The following RHBDF2 variants were observed in gnomAD, a reference collection of about 807,000 sequenced individuals.
RHBDF2 encodes rhomboid 5 homolog 2.
In RHBDF2, 38 loss-of-function variants were observed where a neutral mutation model predicts 95.2. The observed-to-expected ratio is 0.40, with a 90% CI of 0.31 to 0.52. The LOEUF (loss-of-function observed/expected upper bound fraction) is 0.52, where lower values mean the gene tolerates loss of function less well. Ranked by LOEUF, RHBDF2 falls within the 20% of genes least tolerant of loss-of-function variation. The pLI, the probability that RHBDF2 is intolerant of heterozygous loss-of-function variation, is 0.56. For synonymous variants in RHBDF2, 442 were observed against 462.0 expected (o/e 0.96, Z 0.55); for missense variants, 863 against 1,137.7 (o/e 0.76, Z 3.47).
intron 2 of RHBDF2, 45 bp from the exon 3 acceptor site, chr17:76,481,590 C>T (rs1009654384): frequency 5.5e-5 from 85 of 1,538,914 alleles, no homozygotes; most frequent in African/African-American, 5.0e-4. Flanking sequence ...TGCGGGGTGG[C>T]GCAGTGTCAG....
Position 76,474,436 on chromosome 17 carries a change from G to A in RHBDF2, c.1401C>T (p.Asp467=). 6.2e-7 allele frequency: 1 copy of A among 1,614,064 alleles called. No homozygotes were observed. Among genetic ancestry groups the A allele is most frequent in the Non-Finnish European group, 8.5e-7 (1 of 1,179,994 alleles). The change falls in exon 12 of 19, where the codon GAC becomes GAT. Residue 467 remains aspartate (D), a synonymous_variant. Transcript: ENST00000675367. The part of the protein sequence containing the change: ...LVLRERDLER[D]SGCCVQNDHS... ...GGTCATTCTGGACACAGCAGCCTGA[G>A]TCCCGCTCCAGGTCTCGCTCGCGCA...
chr17:76,494,925 G>A (rs939662758), intron 1 of RHBDF2, among the ~76,000 whole-genome samples: 12 of 152,308 alleles, frequency 7.9e-5, no homozygotes, highest in East Asian at 5.8e-4. Flanking sequence ...CACAGCAGCC[G>A]GGCCCCAGTT....
chr17:76,494,436 T>G (rs528918747), intron 1 of RHBDF2, among the ~76,000 whole-genome samples: 2 of 152,178 alleles, frequency 1.3e-5, no homozygotes, highest in Non-Finnish European at 2.9e-5. Flanking sequence ...TGCCCTCCCC[T>G]GGAAATTTCT....
intron 1 of RHBDF2, among the ~76,000 whole-genome samples, chr17:76,497,876 A>G (rs1278730045): frequency 1.3e-5 from 2 of 152,062 alleles, no homozygotes; most frequent in African/African-American, 4.8e-5. Context: ...GCTGGTCACA[A>G]GGTTCCCCTC....
At chr17:76,478,078 C>A (rs1429907355) in intron 6 of RHBDF2, among the ~76,000 whole-genome samples, 1 of 152,204 alleles carries the variant, frequency 6.6e-6, no homozygotes, top group Non-Finnish European at 1.5e-5. Flanking sequence ...GGTACCCTAA[C>A]ACTCAAAGCA....
intron 1 of RHBDF2, among the ~76,000 whole-genome samples, chr17:76,490,961 G>A (rs1474481132): frequency 1.3e-5 from 2 of 152,074 alleles, no homozygotes; most frequent in African/African-American, 2.4e-5. Context: ...TGCACCCAGT[G>A]AGCCCTCATC....
chr17:76,494,359 C>T (rs2074384217), intron 1 of RHBDF2, among the ~76,000 whole-genome samples: 1 of 152,180 alleles, frequency 6.6e-6, no homozygotes, highest in African/African-American at 2.4e-5. Context: ...CAGGGGTGGG[C>T]ACCAAAGGAG....
chr17:76,486,008 T>G (rs764047953), intron 2 of RHBDF2, among the ~76,000 whole-genome samples: 1 of 151,792 alleles, frequency 6.6e-6, no homozygotes, highest in South Asian at 2.1e-4. Flanking sequence ...AGGCTTTCTT[T>G]AGGGGGTGAT....
intron 7 of RHBDF2, 33 bp downstream of exon 7, chr17:76,477,624 C>T (rs557155838): frequency 1.9e-6 from 3 of 1,610,558 alleles, no homozygotes; most frequent in South Asian, 2.2e-5. Context: ...GGCCACCCCA[C>T]CCAACTCCTG....
At position 76,471,969 on chromosome 17, in the gene RHBDF2, G is replaced by C; in HGVS notation, c.2148C>G (p.Pro716=). Residue 716 remains proline (P), a synonymous_variant, in exon 19 of 19, where the codon CCC becomes CCG. Transcript: ENST00000675367. Reference sequence around the variant, plus strand: ...CCGAGAGGTTGAGGAAGGCCTTCCAGGGCCTCTCCAGCAGCGGCCAGCTCT... The same window carrying C: ...CCGAGAGGTTGAGGAAGGCCTTCCACGGCCTCTCCAGCAGCGGCCAGCTCT... ...LFQSWPLLER[P]WKAFLNLSAI... The C allele has an allele frequency of 6.4e-7, 1 of 1,573,462 alleles. No individual in the cohort carries two copies. Among genetic ancestry groups the C allele is most frequent in the Non-Finnish European group, 8.6e-7 (1 of 1,159,302 alleles).
chr17:76,484,094 TC>T (rs1166179843), intron 2 of RHBDF2, among the ~76,000 whole-genome samples: 1 of 152,038 alleles, frequency 6.6e-6, no homozygotes, highest in Non-Finnish European at 1.5e-5. Context: ...AAACCCCGTC[TC>T]TACTAAAAAT....
chr17:76,479,679 G>A (rs2144163968), intron 4 of RHBDF2, 54 bp downstream of exon 4: 1 of 1,411,394 alleles, frequency 7.1e-7, no homozygotes, highest in Non-Finnish European at 9.8e-7. Context: ...CAGGCCCCGA[G>A]AATCCACAGG....
intron 9 of RHBDF2, 156 bp downstream of exon 9, chr17:76,476,674 T>TG: frequency 8.7e-7 from 1 of 1,153,230 alleles, no homozygotes; most frequent in Non-Finnish European, 1.2e-6. Context: ...GCACAACCCT[T>TG]GGGACAGGGT....
Position 76,481,487 on chromosome 17 carries a change from G to A in RHBDF2, c.38C>T (p.Ser13Phe), listed in dbSNP as rs749648771. The A allele has an allele frequency of 1.9e-6, 3 of 1,610,154 alleles. No homozygotes were observed. Among genetic ancestry groups the A allele is most frequent in the Non-Finnish European group, 1.7e-6 (2 of 1,179,474 alleles). The change falls in exon 3 of 19, where the codon TCT becomes TTT. Residue 13 changes from serine (S) to phenylalanine (F), a missense_variant. Ser to Phe is a radical substitution (Grantham distance 155, BLOSUM62 -2). Around this residue, in one of 2 missense-constraint regions of RHBDF2, gnomAD observed 611 missense variants for 725.5 expected, o/e 0.84. Transcript: ENST00000675367. ...GCTCTGCAGGCGGCTGCTGGACACA[G>A]AGGACACGCTCCCGCCATTCTTGTC... Reference protein sequence around the residue: ...SADKNGGSVSSVSSSRLQSRK... With the variant: ...SADKNGGSVSFVSSSRLQSRK...
At chr17:76,480,051 G>GTGTGTATATATATATATATA (rs1363176782) in intron 3 of RHBDF2, 197 bp from the exon 4 acceptor site, 1 of 39,884 alleles carries the variant, frequency 2.5e-5, no homozygotes, top group Non-Finnish European at 5.0e-5. Flanking sequence ...GTTTGTATAT[G>GTGTGTATATATATATATATA]TATATATATA....
Position 76,477,213 on chromosome 17 carries a change from G to T in RHBDF2, c.887C>A (p.Ser296Tyr), listed in dbSNP as rs1478503384. The T allele has an allele frequency of 6.2e-7, 1 of 1,610,586 alleles. No homozygotes were observed. Among genetic ancestry groups the T allele is most frequent in the Non-Finnish European group, 8.5e-7 (1 of 1,179,006 alleles). The change falls in exon 8 of 19, where the codon TCC becomes TAC. Residue 296 changes from serine (S) to tyrosine (Y), a missense_variant. Ser to Tyr is a moderately radical substitution (Grantham distance 144). This residue lies in a region of RHBDF2 where 611 missense variants were observed against 725.5 expected (regional missense o/e 0.84). Coordinates refer to ENST00000675367, the MANE Select transcript of RHBDF2 (RefSeq NM_001005498.4). ...SYFRGIPHSA[S>Y]PVSPDGVQIP... ...TTGCACCCCATCGGGGGAGACAGGG[G>T]AGGCTGAGTGTGGGATCCCTCGGAA...
At chr17:76,485,282 A>C (rs920630434) in intron 2 of RHBDF2, among the ~76,000 whole-genome samples, 1 of 152,066 alleles carries the variant, frequency 6.6e-6, no homozygotes, top group Non-Finnish European at 1.5e-5. Flanking sequence ...ATGGTGGTGC[A>C]TCCCTGTAAT....
In RHBDF2 at chr17:76,479,163, G is replaced by A. The variant is rs893198225; in HGVS notation, c.387C>T (p.Cys129=). The change falls in exon 5 of 19, where the codon TGC becomes TGT. Residue 129 remains cysteine, a synonymous_variant. Coordinates refer to ENST00000675367, the MANE Select transcript of RHBDF2 (RefSeq NM_001005498.4). ...SMRYGRLKAS[C]QRDLELPSQE... ...GGCTGGGGAGCTCCAGGTCACGCTG[G>A]CACGAGGCCTTCAGGCGGCCGTAGC... 1.9e-6 allele frequency: 3 copies of A among 1,612,870 alleles called. No homozygotes were observed. Among genetic ancestry groups the A allele is most frequent in the South Asian group, 1.1e-5 (1 of 91,056 alleles).
intron 3 of RHBDF2, 50 bp downstream of exon 3, chr17:76,481,325 A>G: frequency 6.4e-7 from 1 of 1,566,002 alleles, no homozygotes; most frequent in South Asian, 1.1e-5. Context: ...TCACGTGGGT[A>G]CATCTGTTAC....
Sources: gnomAD v4.1 joint callset for allele counts (sites outside exome capture counted in the v4.1 genomes callset) on GRCh38, gnomAD v4.1.1 for gene constraint, gnomAD v4.1.1 regional missense constraint, MANE v1.5 for transcripts, NCBI Gene and HGNC (gene_info 2026-07-23, HGNC 2026-07-21) for gene names.